The following SDK1 variants were observed in gnomAD, a reference collection of about 807,000 sequenced individuals.
The protein encoded by SDK1 is protein sidekick-1.
Under a neutral mutation model 245.5 loss-of-function variants are expected in SDK1, and 157 were observed. That is an observed-to-expected ratio of 0.64 (90% CI 0.56 to 0.73). The LOEUF is 0.73. Ranked by LOEUF, SDK1 falls within the 30% of genes least tolerant of loss-of-function variation. The pLI is 0.00. For synonymous variants in SDK1, 1,647 were observed against 1,278.5 expected, an observed-to-expected ratio of 1.29 and a Z score of -6.15; for missense variants, 3,583 against 3,002.3, an observed-to-expected ratio of 1.19 and a Z score of -4.52.
At chr7:3,712,701 C>G (rs1355641893) in intron 4 of SDK1, among the ~76,000 whole-genome samples, 1 of 152,200 alleles carries the variant, frequency 6.6e-6, no homozygotes, top group African/African-American at 2.4e-5. Flanking sequence ...CAGACATTTA[C>G]TGGGCAGTAG....
At chr7:3,547,732 T>C (rs1779275401) in intron 1 of SDK1, among the ~76,000 whole-genome samples, 1 of 152,220 alleles carries the variant, frequency 6.6e-6, no homozygotes, top group African/African-American at 2.4e-5. Flanking sequence ...ATAGATACCT[T>C]TTCTAAAGGA....
intron 35 of SDK1, among the ~76,000 whole-genome samples, chr7:4,201,342 C>T (rs537739874): frequency 1.5e-4 from 23 of 152,182 alleles, no homozygotes; most frequent in Admixed American, 3.9e-4. Context: ...CAAGATTTGC[C>T]AAGAAGGTAA....
At position 3,702,631 on chromosome 7, in the gene SDK1, A is replaced by T. The variant is rs78153012; in HGVS notation, c.713+60526A>T. Reference sequence around the variant, plus strand: ...GGCTGTTCTTTCTAAGTTCTCCCTGAATTAGCAGTGATGAGATGCCTCATG... The same window carrying T: ...GGCTGTTCTTTCTAAGTTCTCCCTGTATTAGCAGTGATGAGATGCCTCATG... On this transcript the variant is annotated intron_variant, in intron 4 of 44. Coordinates refer to ENST00000404826, the MANE Select transcript of SDK1 (RefSeq NM_152744.4). Among the ~76,000 whole-genome samples, 583 of 152,338 alleles carry T rather than the reference A, an allele frequency of 3.8e-3. 3 individuals are homozygous for T. The highest frequency in any genetic ancestry group is 0.012 in the African/African-American group (505 of 41,590).
At chr7:3,709,852 G>A (rs896063070) in intron 4 of SDK1, among the ~76,000 whole-genome samples, 1 of 152,178 alleles carries the variant, frequency 6.6e-6, no homozygotes, top group Non-Finnish European at 1.5e-5. Context: ...CTCTCCTCCT[G>A]CTGTTTGTCA....
chr7:3,321,782 T>TTCCTTCCTTCCTTCCTTC (rs1779815977), intron 1 of SDK1, among the ~76,000 whole-genome samples: 1 of 51,390 alleles, frequency 1.9e-5, no homozygotes, highest in African/African-American at 1.0e-4. Flanking sequence ...TTCCTTCTCC[T>TTCCTTCCTTCCTTCCTTC]TCCTTCCTTC....
intron 5 of SDK1, among the ~76,000 whole-genome samples, chr7:3,906,471 G>T (rs868257357): frequency 6.6e-6 from 1 of 151,886 alleles, no homozygotes; most frequent in Non-Finnish European, 1.5e-5. Context: ...TTCATGGAAC[G>T]CTCATGCTCC....
At chr7:3,922,186 G>A (rs76115475) in intron 5 of SDK1, among the ~76,000 whole-genome samples, 1 of 151,846 alleles carries the variant, frequency 6.6e-6, no homozygotes, top group Non-Finnish European at 1.5e-5. Context: ...AGACGCCGGA[G>A]AAGGTGAGTC....
At chr7:3,438,543 G>GC (rs1780096278) in intron 1 of SDK1, among the ~76,000 whole-genome samples, 1 of 152,162 alleles carries the variant, frequency 6.6e-6, no homozygotes, top group Non-Finnish European at 1.5e-5. Context: ...CATTGTGAAG[G>GC]CCCATGTGTC....
chr7:3,888,372 C>A (rs1034513816), intron 5 of SDK1, among the ~76,000 whole-genome samples: 1 of 152,228 alleles, frequency 6.6e-6, no homozygotes, highest in Non-Finnish European at 1.5e-5. Flanking sequence ...GAAATGGCTC[C>A]TGCGGAGAGC....
chr7:4,146,202 G>T (rs1429770976), intron 29 of SDK1, among the ~76,000 whole-genome samples: 1 of 147,650 alleles, frequency 6.8e-6, no homozygotes, highest in Non-Finnish European at 1.5e-5. Context: ...CGTGAGCATT[G>T]CATTCACACC....
At position 4,039,667 on chromosome 7, in the gene SDK1, A is replaced by G. The variant is rs186688545; in HGVS notation, c.2603-9681A>G. Among the ~76,000 whole-genome samples, 226 of 152,352 alleles carry G rather than the reference A, an allele frequency of 1.5e-3. 1 individual carries two copies. The highest frequency in any genetic ancestry group is 1.6e-3 in the Non-Finnish European group (108 of 68,040). On this transcript the variant is annotated intron_variant, in intron 17 of 44. Transcript: ENST00000404826. ...TCCAAAATATTTTGAAAACTCAATT[A>G]TTTGAAGATATAAAACCCTACAGTC...
At chr7:3,527,409 T>C (rs1783177367) in intron 1 of SDK1, among the ~76,000 whole-genome samples, 5 of 152,050 alleles carry the variant, frequency 3.3e-5, no homozygotes, top group Non-Finnish European at 1.5e-5. Context: ...TTGGGGGAAG[T>C]GACTTTCAAG....
chr7:3,523,277 A>T (rs1783005344), intron 1 of SDK1, among the ~76,000 whole-genome samples: 1 of 152,194 alleles, frequency 6.6e-6, no homozygotes, highest in South Asian at 2.1e-4. Context: ...ACAGTTACAG[A>T]TGTCTTCTCA....
At chr7:3,889,691 G>T (rs916571624) in intron 5 of SDK1, among the ~76,000 whole-genome samples, 1 of 152,140 alleles carries the variant, frequency 6.6e-6, no homozygotes, top group Non-Finnish European at 1.5e-5. Flanking sequence ...TGTATTTTTA[G>T]TAGAGACAGG....
At chr7:3,592,552 C>T (rs1351307264) in intron 1 of SDK1, among the ~76,000 whole-genome samples, 2 of 152,164 alleles carry the variant, frequency 1.3e-5, no homozygotes, top group East Asian at 3.9e-4. Context: ...TGAATTCTGC[C>T]CAGTGAAGGT....
chr7:3,803,542 C>A (rs1208826668), intron 4 of SDK1, among the ~76,000 whole-genome samples: 1 of 151,784 alleles, frequency 6.6e-6, no homozygotes, highest in Non-Finnish European at 1.5e-5. Context: ...AACTCCTGAC[C>A]TCAAGTGACT....
chr7:4,208,977 G>C (rs1288845628), intron 37 of SDK1, among the ~76,000 whole-genome samples: 1 of 152,230 alleles, frequency 6.6e-6, no homozygotes, highest in Non-Finnish European at 1.5e-5. Context: ...GGAAGTCTGA[G>C]AGACTGGGAG....
Position 4,012,082 on chromosome 7 carries a change from C to T in SDK1, c.2280-13C>T. 1.3e-6 allele frequency: 2 copies of T among 1,501,474 alleles called. No individual in the cohort carries two copies. The highest frequency in any genetic ancestry group is 1.8e-6 in the Non-Finnish European group (2 of 1,129,236). 93.0% of individuals were successfully genotyped at this position (1,501,474 alleles called of 1,614,324 possible). A position where few individuals can be genotyped will look rare whatever the true frequency, so the allele number is the denominator to read the frequency against. The stretch of plus-strand genomic sequence containing the variant: ...ACTCATCTCTCTTGTTCCTACCCGT[C>T]TTTTATTTATAGGTTGATGCTACCT... On this transcript the variant is annotated splice_polypyrimidine_tract_variant and intron_variant, in intron 15 of 44. Coordinates refer to ENST00000404826, the MANE Select transcript of SDK1 (RefSeq NM_152744.4).
intron 1 of SDK1, among the ~76,000 whole-genome samples, chr7:3,424,332 T>C (rs958173799): frequency 6.6e-6 from 1 of 152,216 alleles, no homozygotes; most frequent in Non-Finnish European, 1.5e-5. Flanking sequence ...TGGTATCTTT[T>C]TAGAATAATT....
Sources: allele counts gnomAD v4.1 joint callset (sites outside exome capture counted in the v4.1 genomes callset), GRCh38; gene constraint gnomAD v4.1.1; transcripts MANE v1.5; gene names NCBI Gene and HGNC (gene_info 2026-07-23, HGNC 2026-07-21).